The following ZRANB3 variants were observed in gnomAD, a reference collection of about 807,000 sequenced individuals.
The protein encoded by ZRANB3 is zinc finger RANBP2-type containing 3, also known as DNA annealing helicase and endonuclease ZRANB3.
Under a neutral mutation model 133.8 loss-of-function variants are expected in ZRANB3, and 125 were observed. The observed-to-expected ratio is 0.93, with a 90% CI of 0.81 to 1.08. ZRANB3 has a LOEUF of 1.08. ZRANB3 is among the 50% of genes least tolerant of loss of function. The pLI, the probability that ZRANB3 is intolerant of heterozygous loss-of-function variation, is 0.00. For missense variants in ZRANB3, 1,229 were observed against 1,275.5 expected, an observed-to-expected ratio of 0.96 and a Z score of 0.56; for synonymous variants, 387 against 432.7, an observed-to-expected ratio of 0.89 and a Z score of 1.31.
rs115087097 is a variant in ZRANB3 at position 135,484,464 on chromosome 2, G to T, written c.161+19865C>A. On this transcript the variant is annotated intron_variant, in intron 2 of 20. Transcript: ENST00000264159. ...TACATTGTCAATTATTTTTAACCAT[G>T]TATATTCACAATATACATATCCAGA... Among the ~76,000 whole-genome samples the T allele has an allele frequency of 2.9e-3, 442 of 152,018 alleles. 2 individuals are homozygous for T. The highest frequency in any genetic ancestry group is 0.01 in the African/African-American group (418 of 41,492).
intron 2 of ZRANB3, among the ~76,000 whole-genome samples, chr2:135,462,789 C>T (rs984843450): frequency 6.6e-6 from 1 of 152,088 alleles, no homozygotes; most frequent in African/African-American, 2.4e-5. Context: ...GACAGGGTTT[C>T]GCCATGTTGG....
intron 2 of ZRANB3, among the ~76,000 whole-genome samples, chr2:135,479,926 A>C (rs896732052): frequency 6.6e-6 from 1 of 151,474 alleles, no homozygotes; most frequent in African/African-American, 2.4e-5. Flanking sequence ...ACCTATACTT[A>C]CGATTAATTC....
intron 8 of ZRANB3, among the ~76,000 whole-genome samples, chr2:135,311,962 G>A (rs1558907768): frequency 6.6e-6 from 1 of 151,928 alleles, no homozygotes; most frequent in Non-Finnish European, 1.5e-5. Flanking sequence ...GCATATCTGT[G>A]GTTGCCAAGG....
chr2:135,507,755 G>C (rs1693257723), intron 1 of ZRANB3, among the ~76,000 whole-genome samples: 1 of 151,670 alleles, frequency 6.6e-6, no homozygotes. Context: ...AGGAGCTGAA[G>C]ATCAGCCAGG....
chr2:135,404,170 T>C (rs1687888956), intron 2 of ZRANB3, among the ~76,000 whole-genome samples: 1 of 151,966 alleles, frequency 6.6e-6, no homozygotes, highest in African/African-American at 2.4e-5. Context: ...AAGGAGGAAG[T>C]TCAAACCCAT....
At chr2:135,367,819 G>T (rs920147868) in intron 3 of ZRANB3, among the ~76,000 whole-genome samples, 6 of 152,008 alleles carry the variant, frequency 3.9e-5, no homozygotes, top group African/African-American at 1.5e-4. Flanking sequence ...GATGTCCCTT[G>T]TTTTCCCAAT....
At chr2:135,336,986 T>C (rs898340886) in intron 6 of ZRANB3, among the ~76,000 whole-genome samples, 4 of 152,028 alleles carry the variant, frequency 2.6e-5, no homozygotes, top group African/African-American at 9.7e-5. Context: ...CCAGGAACCA[T>C]GGTTTTTGGC....
Position 135,295,964 on chromosome 2 carries a change from C to T in ZRANB3, c.966+17525G>A, listed in dbSNP as rs554101915. Among the ~76,000 whole-genome samples, 4 of 152,302 alleles carry T rather than the reference C, an allele frequency of 2.6e-5. No individual in the cohort carries two copies. In the East Asian group the frequency reaches 7.7e-4, roughly 29 times the overall value. On this transcript the variant is annotated intron_variant, in intron 8 of 20. Coordinates refer to ENST00000264159, the MANE Select transcript of ZRANB3 (RefSeq NM_032143.4). ...AAAGATCTGCTGTTAGTCTGATGGG[C>T]TTCCCTTTGTGAGTAACCCGACCTT...
chr2:135,472,310 C>A (rs1691303132), intron 2 of ZRANB3, among the ~76,000 whole-genome samples: 1 of 152,180 alleles, frequency 6.6e-6, no homozygotes, highest in Admixed American at 6.5e-5. Flanking sequence ...ACCATCCTGG[C>A]TAACACGGTG....
intron 2 of ZRANB3, among the ~76,000 whole-genome samples, chr2:135,457,766 G>C (rs1559012330): frequency 6.6e-6 from 1 of 151,490 alleles, no homozygotes. Flanking sequence ...TTTTTTAATT[G>C]AGTTATCTTT....
intron 8 of ZRANB3, among the ~76,000 whole-genome samples, chr2:135,292,901 C>T (rs4375920): frequency 0.26 from 39,851 of 150,756 alleles, 8,831 homozygotes; most frequent in African/African-American, 0.6. Context: ...GATCAGATAG[C>T]TGTAGATATG....
chr2:135,199,931 A>G lies in ZRANB3; in HGVS notation c.*411T>C, dbSNP rs1285907839. On this transcript the variant is annotated 3_prime_UTR_variant, in exon 21 of 21. Transcript: ENST00000264159. ...TCCCAAATAATGATTTGCGTCTGAA[A>G]TTTCCCATAAGGTTTTGCAATGTTC... The G allele has an allele frequency of 1.0e-5, 2 of 190,620 alleles. No homozygotes were observed. The highest frequency in any genetic ancestry group is 4.8e-5 in the African/African-American group (2 of 41,768). The allele number at this position is 190,620 out of a possible 1,614,324, so 11.8% of individuals were successfully genotyped here.
At chr2:135,407,175 A>T (rs1456798480) in intron 2 of ZRANB3, among the ~76,000 whole-genome samples, 6 of 152,180 alleles carry the variant, frequency 3.9e-5, no homozygotes, top group Admixed American at 2.0e-4. Flanking sequence ...TTATACACCA[A>T]TAACAGACAA....
intron 12 of ZRANB3, among the ~76,000 whole-genome samples, chr2:135,246,331 A>G (rs954624619): frequency 6.6e-6 from 1 of 152,126 alleles, no homozygotes; most frequent in Non-Finnish European, 1.5e-5. Context: ...GTAGATACAG[A>G]TATCAAATAA....
intron 15 of ZRANB3, among the ~76,000 whole-genome samples, chr2:135,220,291 C>T (rs994695279): frequency 1.3e-5 from 2 of 150,358 alleles, no homozygotes; most frequent in Non-Finnish European, 3.0e-5. Context: ...ACATCTCATA[C>T]GAAAATCTAT....
At chr2:135,475,948 G>A (rs1691480760) in intron 2 of ZRANB3, among the ~76,000 whole-genome samples, 1 of 151,998 alleles carries the variant, frequency 6.6e-6, no homozygotes. Flanking sequence ...CATGGTGACA[G>A]GTGCCTGTAA....
At position 135,315,531 on chromosome 2, in the gene ZRANB3, C is replaced by G. The variant is rs1683210276; in HGVS notation, c.678-1G>C. 6.7e-7 allele frequency: 1 copy of G among 1,493,342 alleles called. No individual in the cohort carries two copies. Among genetic ancestry groups the G allele is most frequent in the Non-Finnish European group, 8.9e-7 (1 of 1,124,412 alleles). The allele number at this position is 1,493,342 out of a possible 1,614,324, so 92.5% of individuals were successfully genotyped here. A position where few individuals can be genotyped will look rare whatever the true frequency, so the allele number is the denominator to read the frequency against. The stretch of plus-strand genomic sequence containing the variant: ...CCACTGAGGTCTTTTACCAAAATAT[C>G]TGTTAAAATGAAGACAAAACATGTA... On this transcript the variant is annotated splice_acceptor_variant, in intron 6 of 20. Coordinates refer to ENST00000264159, the MANE Select transcript of ZRANB3 (RefSeq NM_032143.4). LOFTEE classifies it high-confidence loss of function.
chr2:135,286,132 T>G lies in ZRANB3; in HGVS notation c.967-10377A>C, dbSNP rs192083681. Among the ~76,000 whole-genome samples, 434 of 152,312 alleles carry G rather than the reference T, an allele frequency of 2.8e-3. 1 individual carries two copies. The highest frequency in any genetic ancestry group is 4.0e-3 in the Non-Finnish European group (273 of 68,022). ...GGTGGTGTTTGGTTACATGGATATG[T>G]TCTTTAGGTGTGATTTCTGAGATTA... is the stretch of plus-strand genomic sequence containing the variant. On this transcript the variant is annotated intron_variant, in intron 8 of 20. Transcript: ENST00000264159.
intron 2 of ZRANB3, among the ~76,000 whole-genome samples, chr2:135,407,560 T>A (rs1441570494): frequency 1.3e-5 from 2 of 148,858 alleles, no homozygotes; most frequent in Non-Finnish European, 2.9e-5. Context: ...TCACACTACC[T>A]GACTTCAAAC....
Sources: allele counts gnomAD v4.1 joint callset (sites outside exome capture counted in the v4.1 genomes callset), GRCh38; gene constraint gnomAD v4.1.1; transcripts MANE v1.5; gene names NCBI Gene and HGNC (gene_info 2026-07-23, HGNC 2026-07-21).